The following ADSS2 variants were observed in gnomAD, a reference collection of about 807,000 sequenced individuals.
The protein encoded by ADSS2 is adenylosuccinate synthetase isozyme 2.
A neutral mutation model predicts 60.0 loss-of-function variants in ADSS2; 30 were observed. That is an observed-to-expected ratio of 0.50 (90% CI 0.37 to 0.68). The LOEUF is 0.68. Among genes scored for constraint, ADSS2 ranks in the 30% least tolerant of loss-of-function variants. The probability of loss-of-function intolerance (pLI) is 0.00; values close to 1 mark genes in which losing one functional copy is unlikely to be tolerated. For missense variants in ADSS2, 373 were observed against 554.8 expected (o/e 0.67, Z 3.29); for synonymous variants, 187 against 193.1 (o/e 0.97, Z 0.26).
intron 7 of ADSS2, among the ~76,000 whole-genome samples, chr1:244,421,181 G>GT (rs150668036): frequency 0.069 from 10,543 of 152,204 alleles, 572 homozygotes; most frequent in Admixed American, 0.15. Context: ...CCAATACTAT[G>GT]TAACACATGG....
intron 1 of ADSS2, among the ~76,000 whole-genome samples, chr1:244,441,129 G>C (rs1056050950): frequency 6.6e-6 from 1 of 151,248 alleles, no homozygotes; most frequent in Non-Finnish European, 1.5e-5. Flanking sequence ...CGCGATCTCG[G>C]CCCACTGCAA....
At chr1:244,413,024 C>T (rs558756653) in intron 11 of ADSS2, among the ~76,000 whole-genome samples, 1 of 152,172 alleles carries the variant, frequency 6.6e-6, no homozygotes, top group African/African-American at 2.4e-5. Context: ...AAGCACTGGG[C>T]CTACTAAGGA....
At chr1:244,441,954 T>TCAAA (rs376893844) in intron 1 of ADSS2, among the ~76,000 whole-genome samples, 1 of 151,982 alleles carries the variant, frequency 6.6e-6, no homozygotes, top group African/African-American at 2.4e-5. Flanking sequence ...AGACTCTGTC[T>TCAAA]CAAACAAACA....
chr1:244,448,934 A>G (rs1171593092), intron 1 of ADSS2, among the ~76,000 whole-genome samples: 5 of 152,086 alleles, frequency 3.3e-5, no homozygotes, highest in Admixed American at 6.5e-5. Context: ...GCAGATACTC[A>G]ATGTTTACTA....
At chr1:244,447,387 A>T (rs1403114845) in intron 1 of ADSS2, among the ~76,000 whole-genome samples, 1 of 152,180 alleles carries the variant, frequency 6.6e-6, no homozygotes, top group Non-Finnish European at 1.5e-5. Flanking sequence ...AAAGTTAAAG[A>T]AACAGAATAA....
At chr1:244,435,194 A>AAAAAAAAAAAAAAAC (rs1553308065) in intron 3 of ADSS2, among the ~76,000 whole-genome samples, 63 of 127,894 alleles carry the variant, frequency 4.9e-4, no homozygotes, top group African/African-American at 2.0e-3. Context: ...AAAAAAAAAA[A>AAAAAAAAAAAAAAAC]AAACAAACCT....
At position 244,415,086 on chromosome 1, in the gene ADSS2, T is replaced by G. The variant is rs1445284198; in HGVS notation, c.1168+895A>C. Reference sequence around the variant, plus strand: ...AAACACATGAAATGGACAAGTTTTATGTGTTTTGTTAGTTTTTAATAGTTT... The same window carrying G: ...AAACACATGAAATGGACAAGTTTTAGGTGTTTTGTTAGTTTTTAATAGTTT... On this transcript the variant is annotated intron_variant, in intron 11 of 12. Coordinates refer to ENST00000366535, the MANE Select transcript of ADSS2 (RefSeq NM_001126.5). Among the ~76,000 whole-genome samples the G allele has an allele frequency of 2.0e-5, 3 of 152,340 alleles. No individual in the cohort carries two copies. The East Asian group carries it at 5.8e-4, about 29-fold the overall frequency.
chr1:244,424,074 C>T lies in ADSS2; in HGVS notation c.474-14G>A, dbSNP rs2147997020. On this transcript the variant is annotated splice_polypyrimidine_tract_variant and intron_variant, in intron 5 of 12. Coordinates refer to ENST00000366535, the MANE Select transcript of ADSS2 (RefSeq NM_001126.5). The stretch of plus-strand genomic sequence containing the variant: ...GTTGTACCCAAACTTAAAAACAAAT[C>T]CAAACAAGCTTTAAGTCAGACAAGA... 6.2e-7 allele frequency: 1 copy of T among 1,601,530 alleles called. No individual in the cohort carries two copies. The highest frequency in any genetic ancestry group is 8.5e-7 in the Non-Finnish European group (1 of 1,173,018).
At chr1:244,419,523 T>G (rs1482606915) in intron 8 of ADSS2, among the ~76,000 whole-genome samples, 1 of 152,206 alleles carries the variant, frequency 6.6e-6, no homozygotes, top group African/African-American at 2.4e-5. Context: ...AAAATACATA[T>G]CTACCATACA....
chr1:244,430,189 C>T (rs1664905693), intron 4 of ADSS2, among the ~76,000 whole-genome samples: 1 of 152,038 alleles, frequency 6.6e-6, no homozygotes, highest in South Asian at 2.1e-4. Flanking sequence ...CATTACTTTC[C>T]TTTTACTCTA....
chr1:244,430,970 A>C (rs1664928426), intron 4 of ADSS2, among the ~76,000 whole-genome samples: 1 of 151,962 alleles, frequency 6.6e-6, no homozygotes, highest in Admixed American at 6.6e-5. Context: ...AAAATACAAA[A>C]ATTAGCTGGG....
chr1:244,433,189 T>C (rs1292343615), intron 3 of ADSS2, among the ~76,000 whole-genome samples: 2 of 152,064 alleles, frequency 1.3e-5, no homozygotes, highest in East Asian at 1.9e-4. Context: ...TAAGCCAAGA[T>C]TGTGCCACTA....
Position 244,415,964 on chromosome 1 carries a change from T to C in ADSS2, c.1168+17A>G, listed in dbSNP as rs1287606585. 3 of 1,539,918 alleles carry C rather than the reference T, an allele frequency of 1.9e-6. No homozygotes were observed. The highest frequency in any genetic ancestry group is 3.4e-5 in the Admixed American group (2 of 59,136). ...TCACCTTATAATATCCTTTAGATAT[T>C]GCCTAAAAGAAAATACCTGGGATAT... On this transcript the variant is annotated intron_variant, in intron 11 of 12. Transcript: ENST00000366535.
At chr1:244,425,853 C>A in intron 4 of ADSS2, among the ~76,000 whole-genome samples, 1 of 151,848 alleles carries the variant, frequency 6.6e-6, no homozygotes, top group African/African-American at 2.4e-5. Context: ...ATCTTTAAAG[C>A]CATATCAGTA....
chr1:244,451,564 T>C lies in ADSS2; in HGVS notation c.183+71A>G, dbSNP rs1572155405. 1.3e-6 allele frequency: 2 copies of C among 1,489,258 alleles called. No individual in the cohort carries two copies. The highest frequency in any genetic ancestry group is 4.9e-5 in the East Asian group (2 of 41,024). The allele number at this position is 1,489,258 out of a possible 1,614,324, so 92.3% of individuals were successfully genotyped here. A position where few individuals can be genotyped will look rare whatever the true frequency, so the allele number is the denominator to read the frequency against. Reference sequence around the variant, plus strand: ...GTGGATCCGGGTTCTGGGTCCGAGTTCCCGGGCACCAGGAGCCAGGCAGCC... The same window carrying C: ...GTGGATCCGGGTTCTGGGTCCGAGTCCCCGGGCACCAGGAGCCAGGCAGCC... On this transcript the variant is annotated intron_variant, in intron 1 of 12. Coordinates refer to ENST00000366535, the MANE Select transcript of ADSS2 (RefSeq NM_001126.5). The surrounding 1 kb of genome is among the most constrained non-coding windows in gnomAD (Gnocchi z 6.6).
intron 4 of ADSS2, among the ~76,000 whole-genome samples, chr1:244,428,025 T>C (rs1378828045): frequency 6.6e-6 from 1 of 152,188 alleles, no homozygotes; most frequent in Admixed American, 6.5e-5. Context: ...CCACAATTAC[T>C]GTTGGAGGTT....
intron 11 of ADSS2, among the ~76,000 whole-genome samples, chr1:244,414,296 G>GA (rs770819424): frequency 6.6e-6 from 1 of 152,014 alleles, no homozygotes; most frequent in East Asian, 1.9e-4. Context: ...TAGACTAACA[G>GA]AAAAAAAGTA....
chr1:244,410,483 G>C (rs1664387057), intron 12 of ADSS2, among the ~76,000 whole-genome samples: 1 of 144,030 alleles, frequency 6.9e-6, no homozygotes. Flanking sequence ...TTAATAAATA[G>C]GCTTAATTAT....
intron 4 of ADSS2, among the ~76,000 whole-genome samples, chr1:244,432,243 A>G (rs938133664): frequency 6.6e-6 from 1 of 152,244 alleles, no homozygotes; most frequent in East Asian, 1.9e-4. Flanking sequence ...TACGTATACA[A>G]ATAAATGTTC....
Sources: gnomAD v4.1 joint callset for allele counts (sites outside exome capture counted in the v4.1 genomes callset) on GRCh38, gnomAD v4.1.1 for gene constraint, Gnocchi (gnomAD v3.1) non-coding constraint, MANE v1.5 for transcripts, NCBI Gene and HGNC (gene_info 2026-07-23, HGNC 2026-07-21) for gene names.